The following VGLL4 variants were observed in gnomAD, a reference collection of about 807,000 sequenced individuals.
VGLL4 encodes vestigial like family member 4.
A neutral mutation model predicts 21.0 loss-of-function variants in VGLL4; 7 were observed. That is an observed-to-expected ratio of 0.33 (90% CI 0.19 to 0.63). The LOEUF (loss-of-function observed/expected upper bound fraction) is 0.63, where lower values mean the gene tolerates loss of function less well. VGLL4 is among the 20% of genes least tolerant of loss of function. VGLL4 has a pLI of 0.78. For synonymous variants in VGLL4, 222 were observed against 173.2 expected (o/e 1.28, Z -2.21); for missense variants, 394 against 425.7 (o/e 0.93, Z 0.66).
chr3:11,621,955 T>A (rs2075272978), intron 1 of VGLL4, among the ~76,000 whole-genome samples: 1 of 152,208 alleles, frequency 6.6e-6, no homozygotes, highest in Admixed American at 6.5e-5. Context: ...TGGAGAATTG[T>A]CTATTCAAAT....
chr3:11,632,290 G>GT (rs936748928), intron 1 of VGLL4, among the ~76,000 whole-genome samples: 13 of 151,108 alleles, frequency 8.6e-5, no homozygotes, highest in African/African-American at 3.2e-4. Context: ...TCCAGCCTGG[G>GT]TGACAGAGCA....
exon 2 of VGLL4, chr3:11,703,033 A>G: frequency 6.2e-7 from 1 of 1,611,270 alleles, no homozygotes; most frequent in Non-Finnish European, 8.5e-7. Flanking sequence ...TGGCGTCTCC[A>G]TTCCTGGTTG....
chr3:11,614,139 A>G (rs900770875), intron 1 of VGLL4, among the ~76,000 whole-genome samples: 3 of 152,158 alleles, frequency 2.0e-5, no homozygotes, highest in African/African-American at 7.2e-5. Context: ...GCTTTCTTCC[A>G]TGCACGTTTC....
At chr3:11,567,516 G>A (rs1291043995) in intron 2 of VGLL4, among the ~76,000 whole-genome samples, 1 of 152,132 alleles carries the variant, frequency 6.6e-6, no homozygotes, top group African/African-American at 2.4e-5. Context: ...TTCCATCCAC[G>A]CCACACACAT....
chr3:11,560,769 A>G (rs2072912127), intron 3 of VGLL4, among the ~76,000 whole-genome samples: 1 of 152,158 alleles, frequency 6.6e-6, no homozygotes, highest in Non-Finnish European at 1.5e-5. Flanking sequence ...AGCGGGACAG[A>G]GCTGCCCAGG....
chr3:11,634,961 C>T (rs1056373559), intron 1 of VGLL4, among the ~76,000 whole-genome samples: 1 of 152,166 alleles, frequency 6.6e-6, no homozygotes, highest in Non-Finnish European at 1.5e-5. Context: ...CGTGAGCAAC[C>T]GCCCCTGGCC....
At chr3:11,631,598 G>A (rs1274915827) in intron 1 of VGLL4, among the ~76,000 whole-genome samples, 5 of 152,092 alleles carry the variant, frequency 3.3e-5, no homozygotes, top group Non-Finnish European at 5.9e-5. Flanking sequence ...AAACTGCACC[G>A]TAACTGCTAT....
chr3:11,559,210 A>C (rs1404528957), intron 4 of VGLL4, 122 bp downstream of exon 4: 3 of 1,417,674 alleles, frequency 2.1e-6, no homozygotes, highest in Non-Finnish European at 2.8e-6. Context: ...CTCAAGAAAT[A>C]CTTTTTCAAC....
chr3:11,574,947 G>A (rs1022637935), intron 2 of VGLL4, among the ~76,000 whole-genome samples: 2 of 151,998 alleles, frequency 1.3e-5, no homozygotes, highest in African/African-American at 4.8e-5. Flanking sequence ...TGTCGGCCGA[G>A]TTACCATCCA....
rs1349257080 is a variant in VGLL4, at chr3:11,558,595, G to A, written c.852C>T (p.His284=). The A allele has an allele frequency of 1.6e-5, 25 of 1,605,332 alleles. No homozygotes were observed. Among genetic ancestry groups the A allele is most frequent in the Non-Finnish European group, 1.9e-5 (23 of 1,179,948 alleles). Residue 284 remains histidine, a synonymous_variant, in exon 5 of 5, where the codon CAC becomes CAT. Transcript: ENST00000430365. ...RRGQPASPSA[H]MVSHSHSPSV... is the part of the protein sequence containing the mutation. Reference sequence around the variant, plus strand: ...AGGGGGAGTGACTGTGGCTGACCATGTGGGCAGAGGGGCTGGCGGGCTGGC... The same window carrying A: ...AGGGGGAGTGACTGTGGCTGACCATATGGGCAGAGGGGCTGGCGGGCTGGC...
upstream of VGLL4, chr3:11,721,759 C>T (rs926210346): frequency 1.3e-5 from 2 of 152,166 alleles, no homozygotes; most frequent in African/African-American, 4.8e-5. Context: ...ATCCAAACTC[C>T]GCCTCTATTT....
chr3:11,638,517 T>C (rs1455544157), intron 1 of VGLL4, among the ~76,000 whole-genome samples: 1 of 152,020 alleles, frequency 6.6e-6, no homozygotes, highest in African/African-American at 2.4e-5. Context: ...TCCTCCTAGT[T>C]TCTTTCTCTC....
intron 1 of VGLL4, among the ~76,000 whole-genome samples, chr3:11,621,810 C>T (rs996644494): frequency 3.3e-5 from 5 of 152,244 alleles, no homozygotes; most frequent in Admixed American, 6.5e-5. Flanking sequence ...AATTTCTCCA[C>T]ATCCTCACCA....
chr3:11,692,722 T>C (rs1254081551), intron 2 of VGLL4, among the ~76,000 whole-genome samples: 1 of 150,008 alleles, frequency 6.7e-6, no homozygotes, highest in Non-Finnish European at 1.5e-5. Flanking sequence ...GACAGAGGTT[T>C]GTTTGGGTTG....
intron 3 of VGLL4, among the ~76,000 whole-genome samples, chr3:11,562,528 T>A (rs888128677): frequency 1.3e-5 from 2 of 152,192 alleles, no homozygotes; most frequent in African/African-American, 2.4e-5. Context: ...AGCTGCAGGA[T>A]GACACCCAAC....
intron 1 of VGLL4, among the ~76,000 whole-genome samples, chr3:11,622,836 G>C (rs907338435): frequency 6.6e-6 from 1 of 152,214 alleles, no homozygotes; most frequent in African/African-American, 2.4e-5. Flanking sequence ...TGTCAAATCA[G>C]AGAGACAGAT....
chr3:11,628,013 G>A (rs988523441), intron 1 of VGLL4, among the ~76,000 whole-genome samples: 7 of 152,164 alleles, frequency 4.6e-5, no homozygotes, highest in African/African-American at 1.4e-4. Flanking sequence ...GGCTTCTGAA[G>A]GCCCTCACAA....
Position 11,566,636 on chromosome 3 carries a change from C to T in VGLL4, c.273-1617G>A, listed in dbSNP as rs2073542162. Among the ~76,000 whole-genome samples the T allele has an allele frequency of 2.6e-5, 4 of 152,182 alleles. No individual in the cohort carries two copies. The South Asian group carries it at 8.3e-4, about 32-fold the overall frequency. ...CCATTCCTCAAATAAGATGCGGCCA[C>T]TCTCTGCCTCTGTGGCTGTGTACAC... On this transcript the variant is annotated intron_variant, in intron 2 of 4. Transcript: ENST00000430365.
rs779419724 is a variant in VGLL4 at position 11,637,385 on chromosome 3, AC to A, written c.82+6051del. ...ATAACAGAATGGATAACAAAATGGT[AC>A]TAGTACTAAGTTTTCTCTAATCACT... is the stretch of plus-strand genomic sequence containing the variant. On this transcript the variant is annotated intron_variant, in intron 1 of 4. Transcript: ENST00000430365. 8.0e-4 allele frequency among the ~76,000 whole-genome samples: 122 copies of A among 152,324 alleles called. 1 individual carries two copies. Among genetic ancestry groups the A allele is most frequent in the Admixed American group, 1.8e-3 (27 of 15,298 alleles).
Sources: gnomAD v4.1 joint callset for allele counts (sites outside exome capture counted in the v4.1 genomes callset) on GRCh38, gnomAD v4.1.1 for gene constraint, MANE v1.5 for transcripts, NCBI Gene and HGNC (gene_info 2026-07-23, HGNC 2026-07-21) for gene names.